Variants in SLC13A5 observed in about 807,000 individuals in gnomAD.
SLC13A5 encodes Na(+)/citrate cotransporter.
A neutral mutation model predicts 56.5 loss-of-function variants in SLC13A5; 25 were observed. The observed-to-expected ratio is 0.44, with a 90% CI of 0.32 to 0.62. The LOEUF (loss-of-function observed/expected upper bound fraction) is 0.62, where lower values mean the gene tolerates loss of function less well. Ranked by LOEUF, SLC13A5 falls within the 20% of genes least tolerant of loss-of-function variation. The pLI is 0.04. For synonymous variants in SLC13A5, 307 were observed against 301.5 expected (o/e 1.02, Z -0.19); for missense variants, 649 against 737.8 (o/e 0.88, Z 1.39).
At chr17:6,694,861 T>C (rs2151486308) in intron 7 of SLC13A5, among the ~76,000 whole-genome samples, 1 of 152,324 alleles carries the variant, frequency 6.6e-6, no homozygotes, top group South Asian at 2.1e-4. Flanking sequence ...ATGGCCATCA[T>C]ACCAGCATCT....
At chr17:6,702,006 C>T (rs566616449) in intron 5 of SLC13A5, among the ~76,000 whole-genome samples, 11 of 152,198 alleles carry the variant, frequency 7.2e-5, no homozygotes, top group Admixed American at 7.2e-4. Flanking sequence ...ACGGGCTGCT[C>T]TTCCCAAAGA....
At chr17:6,690,089 A>AAAAAAAAAAAC (rs1973363704) in intron 10 of SLC13A5, 1 of 142,486 alleles carries the variant, frequency 7.0e-6, no homozygotes, top group Non-Finnish European at 1.5e-5. Flanking sequence ...AAAAAAAAAA[A>AAAAAAAAAAAC]AAAAAACCAT....
rs539268868 is a variant in SLC13A5, at chr17:6,701,591, T to A, written c.717-465A>T. ...CAGGCATGGTGGCGGGCGCCTGTAA[T>A]CCCAGCTAATAGGGAGGCTGAAGCG... On this transcript the variant is annotated intron_variant, in intron 5 of 11. Coordinates refer to ENST00000433363, the MANE Select transcript of SLC13A5 (RefSeq NM_177550.5). The surrounding 1 kb of genome is among the most constrained non-coding windows in gnomAD (Gnocchi z 4.1). Among the ~76,000 whole-genome samples, 83 of 152,198 alleles carry A rather than the reference T, an allele frequency of 5.5e-4. No individual in the cohort carries two copies. The highest frequency in any genetic ancestry group is 1.7e-3 in the African/African-American group (71 of 41,534).
At chr17:6,708,788 A>C (rs933524322) in intron 1 of SLC13A5, among the ~76,000 whole-genome samples, 3 of 152,218 alleles carry the variant, frequency 2.0e-5, no homozygotes, top group Admixed American at 2.0e-4. Flanking sequence ...TGCAGAATGC[A>C]CACTGACACG....
chr17:6,686,087 G>A lies in SLC13A5; in HGVS notation c.*120C>T. On this transcript the variant is annotated 3_prime_UTR_variant, in exon 12 of 12. Coordinates refer to ENST00000433363, the MANE Select transcript of SLC13A5 (RefSeq NM_177550.5). The stretch of plus-strand genomic sequence containing the variant: ...GTGGCCCATTGGCTGGGTTTTGGTG[G>A]TGTGTGGACATCGTTGGGTCATTTT... 2 of 1,434,352 alleles carry A rather than the reference G, an allele frequency of 1.4e-6. No individual in the cohort carries two copies. The highest frequency in any genetic ancestry group is 2.3e-5 in the East Asian group (1 of 43,526). The allele number at this position is 1,434,352 out of a possible 1,614,324, so 88.9% of individuals were successfully genotyped here.
At position 6,687,007 on chromosome 17, in the gene SLC13A5, G is replaced by A; in HGVS notation, c.1575+522C>T. 6.2e-6 allele frequency: 1 copy of A among 162,078 alleles called. No individual in the cohort carries two copies. The highest frequency in any genetic ancestry group is 1.3e-5 in the Non-Finnish European group (1 of 75,258). 10.0% of individuals were successfully genotyped at this position (162,078 alleles called of 1,614,324 possible). A position where few individuals can be genotyped will look rare whatever the true frequency, so the allele number is the denominator to read the frequency against. ...GAGCTGCAAAGCTGCCCTTCTCCCA[G>A]CAAAGGTGACAGAGCTAATGAAGAG... On this transcript the variant is annotated intron_variant, in intron 11 of 11. Transcript: ENST00000433363. This position sits in a 1 kb window ranked among gnomAD's most constrained non-coding sequence, Gnocchi z 5.0.
In SLC13A5 at chr17:6,685,952, G is replaced by C; in HGVS notation, c.*255C>G. 1 of 498,614 alleles carries C rather than the reference G, an allele frequency of 2.0e-6. No individual in the cohort carries two copies. Among genetic ancestry groups the C allele is most frequent in the Non-Finnish European group, 3.6e-6 (1 of 276,996 alleles). The allele number at this position is 498,614 out of a possible 1,614,324, so 30.9% of individuals were successfully genotyped here. On this transcript the variant is annotated 3_prime_UTR_variant, in exon 12 of 12. Coordinates refer to ENST00000433363, the MANE Select transcript of SLC13A5 (RefSeq NM_177550.5). The surrounding 1 kb of genome is among the most constrained non-coding windows in gnomAD (Gnocchi z 4.2). ...CCTGGCCTCCCTCACAGAGATAATG[G>C]CAAGGCTTGGGAAAGATGGGTCCAG...
chr17:6,707,148 C>A lies in SLC13A5; in HGVS notation c.111G>T (p.Arg37Ser). Reference sequence around the variant, plus strand: ...CCATGAGGATGATGACGTAGGCACACCTGACAAACTGAAGAGACAGTCCTG... The same window carrying A: ...CCATGAGGATGATGACGTAGGCACAACTGACAAACTGAAGAGACAGTCCTG... ...LVILMPAKFV[R>S]CAYVIILMAI... The change falls in exon 2 of 12, where the codon AGG becomes AGT. Residue 37 changes from arginine to serine, a missense_variant. Physicochemically the swap from Arg to Ser is moderately radical, Grantham distance 110 (BLOSUM62 -1). Coordinates refer to ENST00000433363, the MANE Select transcript of SLC13A5 (RefSeq NM_177550.5). 6.2e-7 allele frequency: 1 copy of A among 1,613,920 alleles called. No individual in the cohort carries two copies. Among genetic ancestry groups the A allele is most frequent in the Non-Finnish European group, 8.5e-7 (1 of 1,179,964 alleles).
Position 6,693,060 on chromosome 17 carries a change from A to G in SLC13A5, c.1259T>C (p.Leu420Pro), listed in dbSNP as rs150738356. The change falls in exon 9 of 12, where the codon CTG becomes CCG. Residue 420 changes from leucine (L) to proline (P), a missense_variant. Leu to Pro is a moderately conservative substitution (Grantham distance 98). Coordinates refer to ENST00000433363, the MANE Select transcript of SLC13A5 (RefSeq NM_177550.5). Reference protein sequence around the residue: ...IVLLLGGGFALAKGSEASGLS... With the variant: ...IVLLLGGGFAPAKGSEASGLS... ...AGAAGTTACCTCGGATCCTTTAGCC[A>G]GAGCAAATCCGCCCCCTAGTAGCAG... The G allele has an allele frequency of 3.3e-5, 54 of 1,614,162 alleles. No individual in the cohort carries two copies. The highest frequency in any genetic ancestry group is 4.6e-5 in the Non-Finnish European group (54 of 1,180,004).
rs921302111 is a variant in SLC13A5, at chr17:6,711,903, G to A, written c.102+1329C>T. Among the ~76,000 whole-genome samples the A allele has an allele frequency of 1.3e-5, 2 of 152,156 alleles. No homozygotes were observed. Among genetic ancestry groups the A allele is most frequent in the Non-Finnish European group, 2.9e-5 (2 of 68,032 alleles). ...GGAAGTGTGGCTGCCCACAGTTGGT[G>A]TGGCAACTGCACAGCCTCCACAGTT... On this transcript the variant is annotated intron_variant, in intron 1 of 11. Transcript: ENST00000433363. The surrounding 1 kb of genome is among the most constrained non-coding windows in gnomAD (Gnocchi z 4.0).
intron 8 of SLC13A5, 74 bp from the exon 9 acceptor site, chr17:6,693,236 C>CCTGTCTCTTATACACATCTCCG: frequency 1.1e-6 from 1 of 930,998 alleles, no homozygotes; most frequent in East Asian, 2.7e-5. Flanking sequence ...CACACCAGAG[C>CCTGTCTCTTATACACATCTCCG]AGCATTAGAA....
rs200900896 is a variant in SLC13A5 at position 6,693,178 on chromosome 17, A to AACACACACACACAC, written c.1157-30_1157-17dup. On this transcript the variant is annotated splice_polypyrimidine_tract_variant and intron_variant, in intron 8 of 11. Transcript: ENST00000433363. ...GTTTTCCTTTCTGGGAAGAAAAAGA[A>AACACACACACACAC]ACACACACACACACACACACACACA... 1.7e-3 allele frequency: 1,188 copies of AACACACACACACAC among 697,606 alleles called. 4 individuals are homozygous for AACACACACACACAC. Among genetic ancestry groups the AACACACACACACAC allele is most frequent in the Admixed American group, 3.9e-3 (141 of 36,240 alleles). 43.2% of individuals were successfully genotyped at this position (697,606 alleles called of 1,614,324 possible).
At chr17:6,693,831 T>A (rs1973483234) in intron 8 of SLC13A5, among the ~76,000 whole-genome samples, 1 of 152,192 alleles carries the variant, frequency 6.6e-6, no homozygotes, top group South Asian at 2.1e-4. Flanking sequence ...GAAATCAGTG[T>A]TATGGAAAAT....
chr17:6,693,939 C>T (rs1973485898), intron 8 of SLC13A5, among the ~76,000 whole-genome samples, 158 bp downstream of exon 8: 1 of 152,018 alleles, frequency 6.6e-6, no homozygotes. Context: ...TAAATAATAC[C>T]ACCGGTGGCT....
chr17:6,699,084 T>TAAATAAATA (rs1376978999), intron 6 of SLC13A5, among the ~76,000 whole-genome samples: 125 of 115,288 alleles, frequency 1.1e-3, no homozygotes, highest in African/African-American at 3.3e-3. Flanking sequence ...AATAAATAAA[T>TAAATAAATA]AAATAAAATA....
chr17:6,710,898 A>C (rs181608880), intron 1 of SLC13A5, among the ~76,000 whole-genome samples: 20 of 152,314 alleles, frequency 1.3e-4, no homozygotes, highest in African/African-American at 3.8e-4. Context: ...ATTTGCAAAA[A>C]AGAAACCTTT....
chr17:6,690,251 G>A (rs573897738), intron 10 of SLC13A5: 7 of 168,094 alleles, frequency 4.2e-5, no homozygotes, highest in South Asian at 1.4e-4. Context: ...CCTTATCCCT[G>A]TGCTCACCAA....
rs561640003 is a variant in SLC13A5 at position 6,709,734 on chromosome 17, G to T, written c.103-2578C>A. ...GTGCAGGAAGACTTGGAAATTCTTT[G>T]TCAGGGTTGTGTTATCAGCCACAAA... On this transcript the variant is annotated intron_variant, in intron 1 of 11. Coordinates refer to ENST00000433363, the MANE Select transcript of SLC13A5 (RefSeq NM_177550.5). 9.2e-5 allele frequency among the ~76,000 whole-genome samples: 14 copies of T among 152,266 alleles called. No homozygotes were observed. In the East Asian group the frequency reaches 2.7e-3, roughly 29 times the overall value.
Position 6,713,175 on chromosome 17 carries a change from C to G in SLC13A5, c.102+57G>C. Reference sequence around the variant, plus strand: ...AGCTCAGGGCTCCCGGGATCGGTGCCCGTTAGTGGGCACAGGACGCCGGGT... The same window carrying G: ...AGCTCAGGGCTCCCGGGATCGGTGCGCGTTAGTGGGCACAGGACGCCGGGT... On this transcript the variant is annotated intron_variant, in intron 1 of 11. Transcript: ENST00000433363. This position sits in a 1 kb window ranked among gnomAD's most constrained non-coding sequence, Gnocchi z 7.3. The G allele has an allele frequency of 1.9e-6, 3 of 1,558,430 alleles. No individual in the cohort carries two copies. Among genetic ancestry groups the G allele is most frequent in the Non-Finnish European group, 2.6e-6 (3 of 1,136,368 alleles).
Sources: allele counts gnomAD v4.1 joint callset (sites outside exome capture counted in the v4.1 genomes callset), GRCh38; gene constraint gnomAD v4.1.1; non-coding constraint Gnocchi (gnomAD v3.1); transcripts MANE v1.5; gene names NCBI Gene and HGNC (gene_info 2026-07-23, HGNC 2026-07-21).